The following NBEA variants were observed in gnomAD, a reference collection of about 807,000 sequenced individuals.
The protein encoded by NBEA is neurobeachin, also known as lysosomal-trafficking regulator 2.
NBEA carries 44 observed loss-of-function variants against 343.4 expected under a neutral mutation model. That is an observed-to-expected ratio of 0.13 (90% CI 0.10 to 0.16). The LOEUF (loss-of-function observed/expected upper bound fraction) is 0.16, where lower values mean the gene tolerates loss of function less well. Among genes scored for constraint, NBEA ranks in the 10% least tolerant of loss-of-function variants. The pLI, the probability that NBEA is intolerant of heterozygous loss-of-function variation, is 1.00. For synonymous variants in NBEA, 1,175 were observed against 1,238.7 expected (o/e 0.95, Z 1.08); for missense variants, 2,555 against 3,631.3 (o/e 0.70, Z 7.62).
chr13:35,606,619 G>A (rs199719905), intron 48 of NBEA, 41 bp downstream of exon 48: 50 of 1,525,648 alleles, frequency 3.3e-5, no homozygotes, highest in Non-Finnish European at 4.2e-5. Context: ...TCATCAGGGA[G>A]TTAACATATT....
At chr13:35,327,397 T>C (rs901774244) in intron 36 of NBEA, among the ~76,000 whole-genome samples, 28 of 151,944 alleles carry the variant, frequency 1.8e-4, no homozygotes, top group African/African-American at 5.6e-4. Flanking sequence ...CAGTGGTGGA[T>C]TGGATAAAGA....
At chr13:35,114,971 G>A (rs764167137) in intron 13 of NBEA, among the ~76,000 whole-genome samples, 2 of 151,970 alleles carry the variant, frequency 1.3e-5, no homozygotes, top group Non-Finnish European at 2.9e-5. Context: ...TCATGTGTAG[G>A]CACTCGCCTT....
chr13:35,449,869 A>C (rs544548266), intron 39 of NBEA, among the ~76,000 whole-genome samples: 11 of 152,284 alleles, frequency 7.2e-5, no homozygotes, highest in African/African-American at 2.6e-4. Flanking sequence ...ATCAAAATAT[A>C]TGTCTAACAA....
At position 35,098,421 on chromosome 13, in the gene NBEA, T is replaced by G; in HGVS notation, c.1680+16T>G. On this transcript the variant is annotated intron_variant, in intron 11 of 58. Coordinates refer to ENST00000379939, the MANE Select transcript of NBEA (RefSeq NM_001385012.1). ...ACTTGAAAAGGTAAGTGATATGTGTTGATGGTTTTATTGTGTAGCTTCACA... is the reference window on the plus strand; with the variant it reads ...ACTTGAAAAGGTAAGTGATATGTGTGGATGGTTTTATTGTGTAGCTTCACA... 6.5e-7 allele frequency: 1 copy of G among 1,530,188 alleles called. No homozygotes were observed. Among genetic ancestry groups the G allele is most frequent in the Non-Finnish European group, 8.9e-7 (1 of 1,122,254 alleles). The allele number at this position is 1,530,188 out of a possible 1,614,324, so 94.8% of individuals were successfully genotyped here.
intron 41 of NBEA, among the ~76,000 whole-genome samples, chr13:35,531,874 C>G (rs1473190350): frequency 1.3e-5 from 2 of 152,186 alleles, no homozygotes; most frequent in Non-Finnish European, 2.9e-5. Context: ...TATGGAACAT[C>G]TCACTTCTTT....
chr13:35,336,160 G>T (rs1008616520), intron 36 of NBEA, among the ~76,000 whole-genome samples: 2 of 151,984 alleles, frequency 1.3e-5, no homozygotes, highest in African/African-American at 4.8e-5. Context: ...TACAAAATTA[G>T]TTAAGAAAAA....
intron 36 of NBEA, among the ~76,000 whole-genome samples, chr13:35,334,348 C>T (rs961210194): frequency 1.3e-5 from 2 of 152,164 alleles, no homozygotes; most frequent in African/African-American, 4.8e-5. Flanking sequence ...TAGCTCACTG[C>T]ACCCTCCAAC....
At chr13:35,484,298 A>G (rs913076553) in intron 41 of NBEA, among the ~76,000 whole-genome samples, 1 of 148,356 alleles carries the variant, frequency 6.7e-6, no homozygotes, top group Non-Finnish European at 1.5e-5. Context: ...ATATATGTAG[A>G]CCCTCACTAA....
At chr13:35,648,078 G>C (rs1313282567) in intron 51 of NBEA, among the ~76,000 whole-genome samples, 2 of 150,336 alleles carry the variant, frequency 1.3e-5, no homozygotes, top group South Asian at 2.1e-4. Context: ...GGGTTTTGCT[G>C]TGTTTCCCAG....
At chr13:35,380,168 G>A (rs2041938270) in intron 38 of NBEA, among the ~76,000 whole-genome samples, 1 of 152,032 alleles carries the variant, frequency 6.6e-6, no homozygotes, top group Non-Finnish European at 1.5e-5. Flanking sequence ...GTTTTGGCCG[G>A]GCACGGTGGC....
intron 41 of NBEA, among the ~76,000 whole-genome samples, chr13:35,492,468 A>G (rs1359299631): frequency 6.6e-6 from 1 of 151,960 alleles, no homozygotes; most frequent in Non-Finnish European, 1.5e-5. Flanking sequence ...CATAGAGGAG[A>G]GGTTAAAGTT....
intron 1 of NBEA, among the ~76,000 whole-genome samples, chr13:34,982,972 T>C (rs1433984627): frequency 6.6e-6 from 1 of 152,304 alleles, no homozygotes; most frequent in Non-Finnish European, 1.5e-5. Flanking sequence ...AGCAATTGTG[T>C]GCACATTTGA....
chr13:35,631,638 T>TAAAAAAAAAAAAAAA (rs59333937), intron 49 of NBEA, among the ~76,000 whole-genome samples: 24 of 126,458 alleles, frequency 1.9e-4, no homozygotes, highest in African/African-American at 4.0e-4. Flanking sequence ...GTCTCCTTTG[T>TAAAAAAAAAAAAAAA]AAAAAAAAAA....
At chr13:35,178,577 C>T (rs2152727753) in intron 28 of NBEA, among the ~76,000 whole-genome samples, 1 of 151,548 alleles carries the variant, frequency 6.6e-6, no homozygotes, top group Non-Finnish European at 1.5e-5. Context: ...ATACGTGCAT[C>T]TTTATTTTTA....
In NBEA at chr13:35,522,890, G is replaced by A. The variant is rs578057403; in HGVS notation, c.6586-27587G>A. Among the ~76,000 whole-genome samples the A allele has an allele frequency of 2.6e-5, 4 of 152,062 alleles. No individual in the cohort carries two copies. In the East Asian group the frequency reaches 5.8e-4, roughly 22 times the overall value. ...GTGAAAGATTGTCTTCCGTGGAACGGGTTCCTGGTGCCAGAAAGGTTGAGG... is the reference window on the plus strand; with the variant it reads ...GTGAAAGATTGTCTTCCGTGGAACGAGTTCCTGGTGCCAGAAAGGTTGAGG... On this transcript the variant is annotated intron_variant, in intron 41 of 58. Coordinates refer to ENST00000379939, the MANE Select transcript of NBEA (RefSeq NM_001385012.1).
intron 35 of NBEA, among the ~76,000 whole-genome samples, chr13:35,290,790 C>A (rs2035756447): frequency 6.6e-6 from 1 of 150,942 alleles, no homozygotes; most frequent in African/African-American, 2.4e-5. Context: ...TATTAATTAT[C>A]TTGTATCTTC....
At chr13:35,476,710 G>A (rs1470485197) in intron 41 of NBEA, 13 of 1,055,462 alleles carry the variant, frequency 1.2e-5, no homozygotes, top group Non-Finnish European at 1.5e-5. Flanking sequence ...ATGCACTCGT[G>A]TGGAAATTAT....
chr13:35,034,464 T>C (rs2062363304), intron 1 of NBEA, among the ~76,000 whole-genome samples: 1 of 151,694 alleles, frequency 6.6e-6, no homozygotes, highest in Non-Finnish European at 1.5e-5. Flanking sequence ...TATTGGCCTG[T>C]AGTTTTCTTT....
chr13:35,381,603 A>G (rs1280773274), intron 38 of NBEA, among the ~76,000 whole-genome samples: 8 of 152,252 alleles, frequency 5.3e-5, no homozygotes, highest in South Asian at 2.1e-4. Context: ...GTAGTTGAAG[A>G]TAAGACTGCA....
Sources: gnomAD v4.1 joint callset for allele counts (sites outside exome capture counted in the v4.1 genomes callset) on GRCh38, gnomAD v4.1.1 for gene constraint, MANE v1.5 for transcripts, NCBI Gene and HGNC (gene_info 2026-07-23, HGNC 2026-07-21) for gene names.